CCNG2: variants seen among roughly 807,000 people sequenced by gnomAD.
CCNG2 encodes cyclin G2.
A neutral mutation model predicts 36.5 loss-of-function variants in CCNG2; 20 were observed. That is an observed-to-expected ratio of 0.55 (90% CI 0.39 to 0.80). CCNG2 has a LOEUF of 0.80. CCNG2 is among the 30% of genes least tolerant of loss of function. The pLI is 0.00. For missense variants in CCNG2, 358 were observed against 390.8 expected, an observed-to-expected ratio of 0.92 and a Z score of 0.71; for synonymous variants, 155 against 140.1, an observed-to-expected ratio of 1.11 and a Z score of -0.75.
In CCNG2 at chr4:77,161,491, T is replaced by C; in HGVS notation, c.539T>C (p.Leu180Pro). 5.6e-6 allele frequency: 9 copies of C among 1,600,584 alleles called. No homozygotes were observed. The highest frequency in any genetic ancestry group is 7.7e-6 in the Non-Finnish European group (9 of 1,174,348). The change falls in exon 5 of 8, where the codon CTG becomes CCG. Residue 180 changes from leucine to proline, a missense_variant. Physicochemically the swap from Leu to Pro is moderately conservative, Grantham distance 98. Coordinates refer to ENST00000316355, the MANE Select transcript of CCNG2 (RefSeq NM_004354.3). ...LCHTSERKEILSLDKLEAQLK... is the reference protein window; with the variant it reads ...LCHTSERKEIPSLDKLEAQLK... Reference sequence around the variant, plus strand: ...TTTGCATTGTATAGGAAAGAAATACTGAGCCTTGATAAACTAGAAGCTCAG... The same window carrying C: ...TTTGCATTGTATAGGAAAGAAATACCGAGCCTTGATAAACTAGAAGCTCAG...
In CCNG2 at chr4:77,161,014, A is replaced by G. The variant is rs372953276; in HGVS notation, c.527+43A>G. On this transcript the variant is annotated intron_variant, in intron 4 of 7. Coordinates refer to ENST00000316355, the MANE Select transcript of CCNG2 (RefSeq NM_004354.3). ...TACATTTTGTACTTTGAACATTGCT[A>G]TAGCTAACAGTAAATAATTGGAATG... 5.0e-5 allele frequency: 71 copies of G among 1,430,642 alleles called. No individual in the cohort carries two copies. In the East Asian group the frequency reaches 6.6e-4, roughly 13 times the overall value. 88.6% of individuals were successfully genotyped at this position (1,430,642 alleles called of 1,614,324 possible).
At chr4:77,164,585 C>T in intron 7 of CCNG2, 106 bp downstream of exon 7, 1 of 750,236 alleles carries the variant, frequency 1.3e-6, no homozygotes, top group South Asian at 2.0e-5. Context: ...CAAGCACCTA[C>T]ACTAAGAGCT....
rs1282284529 is a variant in CCNG2 at position 77,169,462 on chromosome 4, A to G, written c.*3538A>G. 1 of 152,216 alleles carries G rather than the reference A, an allele frequency of 6.6e-6. No homozygotes were observed. Among genetic ancestry groups the G allele is most frequent in the East Asian group, 1.9e-4 (1 of 5,198 alleles). 9.4% of individuals were successfully genotyped at this position (152,216 alleles called of 1,614,324 possible). A position where few individuals can be genotyped will look rare whatever the true frequency, so the allele number is the denominator to read the frequency against. On this transcript the variant is annotated 3_prime_UTR_variant, in exon 8 of 8. Transcript: ENST00000316355. ...AGTATGATGGCCAGTCAGTCTTTCC[A>G]TCCCTGTGCCTACATGCTGCTCTTC...
rs1368664451 is a variant in CCNG2, at chr4:77,157,271, C to T, written c.-236C>T. 1.3e-5 allele frequency: 2 copies of T among 152,458 alleles called. No homozygotes were observed. The highest frequency in any genetic ancestry group is 6.5e-5 in the Admixed American group (1 of 15,276). The allele number at this position is 152,458 out of a possible 1,614,324, so 9.4% of individuals were successfully genotyped here. On this transcript the variant is annotated 5_prime_UTR_variant, in exon 1 of 8. Coordinates refer to ENST00000316355, the MANE Select transcript of CCNG2 (RefSeq NM_004354.3). ...GAGGCGGCGGGGGTGCGGCGGTGGGCTGGTCTTCCGCGGCCGGCGTTGCGC... is the reference window on the plus strand; with the variant it reads ...GAGGCGGCGGGGGTGCGGCGGTGGGTTGGTCTTCCGCGGCCGGCGTTGCGC...
chr4:77,158,465 C>T, intron 1 of CCNG2, 68 bp from the exon 2 acceptor site: 1 of 1,535,028 alleles, frequency 6.5e-7, no homozygotes, highest in Non-Finnish European at 9.0e-7. Context: ...CTGGCCTCAG[C>T]CCTTTCTCCC....
At position 77,160,809 on chromosome 4, in the gene CCNG2, C is replaced by G; in HGVS notation, c.365C>G (p.Thr122Ser). ...IVEEDCNIPS[T>S]HDVIRISQCK... The stretch of plus-strand genomic sequence containing the variant: ...GAAGAAGACTGCAATATTCCATCCA[C>G]TCATGATGTGATCCGGATTAGTCAG... The change falls in exon 4 of 8, where the codon ACT becomes AGT. Residue 122 changes from threonine to serine, a missense_variant. Physicochemically the swap from Thr to Ser is moderately conservative, Grantham distance 58 (BLOSUM62 1). Coordinates refer to ENST00000316355, the MANE Select transcript of CCNG2 (RefSeq NM_004354.3). 1 of 1,613,938 alleles carries G rather than the reference C, an allele frequency of 6.2e-7. No homozygotes were observed. Among genetic ancestry groups the G allele is most frequent in the Non-Finnish European group, 8.5e-7 (1 of 1,179,886 alleles).
chr4:77,159,599 C>G, intron 3 of CCNG2, 95 bp downstream of exon 3: 1 of 1,155,816 alleles, frequency 8.7e-7, no homozygotes, highest in South Asian at 1.6e-5. Flanking sequence ...GGTATAATAA[C>G]GTCCACTGTA....
chr4:77,158,343 C>A (rs576145192), intron 1 of CCNG2, 190 bp from the exon 2 acceptor site: 2 of 583,438 alleles, frequency 3.4e-6, no homozygotes, highest in African/African-American at 3.8e-5. Context: ...GCTCCTCCCC[C>A]TGCCACACCT....
intron 6 of CCNG2, 97 bp from the exon 7 acceptor site, chr4:77,164,177 C>CTATA: frequency 2.6e-6 from 2 of 766,754 alleles, no homozygotes; most frequent in South Asian, 1.8e-5. Flanking sequence ...AGCCAGGCAT[C>CTATA]TATATATATA....
chr4:77,165,821 T>G lies in CCNG2; in HGVS notation c.932T>G (p.Met311Arg), dbSNP rs201736578. ...TTTAGTGAGGACTCTTGTGAAGATA[T>G]GAGTTGTGGAGAGGAGAGTCTCAGC... ...ESESEDSCED[M>R]SCGEESLSSS... Residue 311 changes from methionine to arginine, a missense_variant, in exon 8 of 8, where the codon ATG becomes AGG. Coordinates refer to ENST00000316355, the MANE Select transcript of CCNG2 (RefSeq NM_004354.3). The G allele has an allele frequency of 1.0e-5, 16 of 1,601,378 alleles. No homozygotes were observed. The highest frequency in any genetic ancestry group is 1.8e-5 in the Admixed American group (1 of 56,502).
Position 77,169,098 on chromosome 4 carries a change from C to T in CCNG2, c.*3174C>T, listed in dbSNP as rs1731703320. On this transcript the variant is annotated 3_prime_UTR_variant, in exon 8 of 8. Coordinates refer to ENST00000316355, the MANE Select transcript of CCNG2 (RefSeq NM_004354.3). ...CTGTCACACTCAGGATTAATACATA[C>T]TCAGGTTAACTGTAGAGAGGCATTG... 1 of 151,816 alleles carries T rather than the reference C, an allele frequency of 6.6e-6. No homozygotes were observed. Among genetic ancestry groups the T allele is most frequent in the Admixed American group, 6.5e-5 (1 of 15,274 alleles). 9.4% of individuals were successfully genotyped at this position (151,816 alleles called of 1,614,324 possible).
rs1228113028 is a variant in CCNG2, at chr4:77,166,594, A to AT, written c.*672dup. 6.6e-6 allele frequency: 1 copy of AT among 152,186 alleles called. No homozygotes were observed. The highest frequency in any genetic ancestry group is 1.9e-4 in the East Asian group (1 of 5,204). 9.4% of individuals were successfully genotyped at this position (152,186 alleles called of 1,614,324 possible). On this transcript the variant is annotated 3_prime_UTR_variant, in exon 8 of 8. Transcript: ENST00000316355. ...TAGTTTTCATTCCTATTGCCCAAGT[A>AT]TTGTCAAACTATGGTATTATTTTAA...
In CCNG2 at chr4:77,165,905, C is replaced by T; in HGVS notation, c.1016C>T (p.Thr339Ile). The T allele has an allele frequency of 6.2e-7, 1 of 1,605,424 alleles. No individual in the cohort carries two copies. The highest frequency in any genetic ancestry group is 8.5e-7 in the Non-Finnish European group (1 of 1,177,584). ...TFFFNFKVAQ[T>I]LCFPS ...TTTTTCAACTTCAAAGTGGCACAAA[C>T]ACTGTGCTTTCCATCTTAGAAATCT... The change falls in exon 8 of 8, where the codon ACA becomes ATA. Residue 339 changes from threonine (T) to isoleucine (I), a missense_variant. Transcript: ENST00000316355.
Position 77,165,799 on chromosome 4 carries a change from AGTGAGGACTCTT to A in CCNG2, c.915_926del (p.Ser307_Asp310del), listed in dbSNP as rs1377516073. The A allele has an allele frequency of 6.4e-7, 1 of 1,559,444 alleles. No homozygotes were observed. Among genetic ancestry groups the A allele is most frequent in the Non-Finnish European group, 8.6e-7 (1 of 1,157,204 alleles). On this transcript the variant is annotated splice_acceptor_variant and coding_sequence_variant, in exon 8 of 8. Transcript: ENST00000316355. LOFTEE classifies it high-confidence loss of function. Reference sequence around the variant, plus strand: ...TCTTTTTTTGTCTCTTTTTCTCTTTAGTGAGGACTCTTGTGAAGATATGAGTTGTGGAGAGGA... The same window carrying A: ...TCTTTTTTTGTCTCTTTTTCTCTTTAGTGAAGATATGAGTTGTGGAGAGGA...
intron 6 of CCNG2, 51 bp from the exon 7 acceptor site, chr4:77,164,223 A>G (rs1413329216): frequency 1.4e-6 from 2 of 1,388,588 alleles, no homozygotes; most frequent in Non-Finnish European, 2.0e-6. Context: ...TCCAAGGTGC[A>G]GCAAGATTTG....
At chr4:77,160,205 T>A (rs1388208916) in intron 3 of CCNG2, among the ~76,000 whole-genome samples, 1 of 152,180 alleles carries the variant, frequency 6.6e-6, no homozygotes, top group Non-Finnish European at 1.5e-5. Flanking sequence ...TTTTTTGGTG[T>A]TAAAAAGCTT....
chr4:77,161,097 A>ATTTTT, intron 4 of CCNG2, 126 bp downstream of exon 4: 3 of 475,124 alleles, frequency 6.3e-6, no homozygotes, highest in East Asian at 4.0e-5. Context: ...TTATTGGTAA[A>ATTTTT]TCTTTTTTTT....
chr4:77,158,455 C>A, intron 1 of CCNG2, 78 bp from the exon 2 acceptor site: 1 of 1,452,080 alleles, frequency 6.9e-7, no homozygotes, highest in African/African-American at 1.4e-5. Context: ...GCTGGAGGTA[C>A]TGGCCTCAGC....
chr4:77,160,992 A>G (rs1278633293), intron 4 of CCNG2, 21 bp downstream of exon 4: 1 of 1,568,936 alleles, frequency 6.4e-7, no homozygotes, highest in Non-Finnish European at 8.6e-7. Flanking sequence ...TTAAAGATAC[A>G]TTTTGTACTT....
Sources: allele counts gnomAD v4.1 joint callset (sites outside exome capture counted in the v4.1 genomes callset), GRCh38; gene constraint gnomAD v4.1.1; transcripts MANE v1.5; gene names NCBI Gene and HGNC (gene_info 2026-07-23, HGNC 2026-07-21).